Variants in MRAP2 observed in about 807,000 individuals in gnomAD.
MRAP2 encodes the protein melanocortin-2 receptor accessory protein 2.
MRAP2 carries 20 observed loss-of-function variants against 17.4 expected under a neutral mutation model. The ratio of observed to expected loss-of-function variants is 1.15; its 90% CI spans 0.81 to 1.67. The LOEUF (loss-of-function observed/expected upper bound fraction) is 1.67, where lower values mean the gene tolerates loss of function less well. MRAP2 is among the 40% of genes most tolerant of loss of function. The pLI, the probability that MRAP2 is intolerant of heterozygous loss-of-function variation, is 0.00. For synonymous variants in MRAP2, 96 were observed against 88.4 expected (o/e 1.09, Z -0.48); for missense variants, 238 against 240.0 (o/e 0.99, Z 0.05).
At chr6:84,047,591 C>G (rs1452227141) in intron 1 of MRAP2, among the ~76,000 whole-genome samples, 2 of 152,124 alleles carry the variant, frequency 1.3e-5, no homozygotes, top group Admixed American at 1.3e-4. Flanking sequence ...AGTTCAGTGG[C>G]ATTAAATATA....
At chr6:84,084,171 A>T (rs2099499703) in intron 3 of MRAP2, among the ~76,000 whole-genome samples, 1 of 152,214 alleles carries the variant, frequency 6.6e-6, no homozygotes. Flanking sequence ...AAATTGTATA[A>T]GAAAAATAAA....
At chr6:84,069,518 C>A (rs957722143) in intron 3 of MRAP2, among the ~76,000 whole-genome samples, 4 of 152,082 alleles carry the variant, frequency 2.6e-5, no homozygotes, top group African/African-American at 9.7e-5. Context: ...AGGATTTTAG[C>A]ATCTATGTTC....
At chr6:84,125,131 T>G in the MRAP2 span, 1 of 1,613,600 alleles carries the variant, frequency 6.2e-7, no homozygotes. Flanking sequence ...TCCTTGCCGG[T>G]GCAGCTCTCG....
chr6:84,140,483 G>A, the MRAP2 span, among the ~76,000 whole-genome samples: 1 of 152,094 alleles, frequency 6.6e-6, no homozygotes, highest in Non-Finnish European at 1.5e-5. Context: ...CTTTTTTGAG[G>A]AAGCCTCCGG....
chr6:84,108,723 G>A, the MRAP2 span, among the ~76,000 whole-genome samples: 1 of 152,202 alleles, frequency 6.6e-6, no homozygotes, highest in Non-Finnish European at 1.5e-5. Flanking sequence ...AAGTGCTATT[G>A]GCATCTTTGT....
chr6:84,111,586 AC>A, the MRAP2 span, among the ~76,000 whole-genome samples: 4 of 152,154 alleles, frequency 2.6e-5, no homozygotes, highest in Non-Finnish European at 5.9e-5. Flanking sequence ...CTATTTGAAT[AC>A]CGTTTATTTC....
At chr6:84,036,436 G>A (rs1037519982) in intron 1 of MRAP2, among the ~76,000 whole-genome samples, 2 of 152,060 alleles carry the variant, frequency 1.3e-5, no homozygotes, top group Non-Finnish European at 2.9e-5. Flanking sequence ...TGCGGTGAGT[G>A]TTAACAGTTC....
chr6:84,092,750 A>G (rs2099501979), downstream of MRAP2, among the ~76,000 whole-genome samples: 1 of 152,172 alleles, frequency 6.6e-6, no homozygotes, highest in Non-Finnish European at 1.5e-5. Flanking sequence ...AGCTCTCCGT[A>G]TAGGTGGGTT....
At chr6:84,066,705 C>T (rs2099494795) in intron 3 of MRAP2, among the ~76,000 whole-genome samples, 1 of 152,042 alleles carries the variant, frequency 6.6e-6, no homozygotes, top group Non-Finnish European at 1.5e-5. Flanking sequence ...AGATAAGAAA[C>T]ATGAGGCTGA....
rs1205670246 is a variant in MRAP2 at position 84,034,515 on chromosome 6, C to CGCCCCGT, written c.-8+643_-8+649dup. On this transcript the variant is annotated intron_variant, in intron 1 of 3. Coordinates refer to ENST00000257776, the MANE Select transcript of MRAP2 (RefSeq NM_138409.4). ...GCCCCCGCTCCCCCCGCCCGCCCCG[C>CGCCCCGT]GCCCCGTGCCCCGTGCCTTTCCCAT... 6.1e-3 allele frequency among the ~76,000 whole-genome samples: 904 copies of CGCCCCGT among 146,996 alleles called. 20 individuals carry two copies. The highest frequency in any genetic ancestry group is 0.02 in the African/African-American group (782 of 39,256).
At chr6:84,131,542 C>A in the MRAP2 span, among the ~76,000 whole-genome samples, 3 of 152,148 alleles carry the variant, frequency 2.0e-5, no homozygotes, top group African/African-American at 7.2e-5. Flanking sequence ...GCATTGGGTG[C>A]ATATATATTT....
At chr6:84,093,725 G>A (rs1180405036), downstream of MRAP2, among the ~76,000 whole-genome samples, 3 of 152,162 alleles carry the variant, frequency 2.0e-5, no homozygotes, top group Non-Finnish European at 4.4e-5. Context: ...TACATCACAT[G>A]TCACAATACA....
chr6:84,072,397 G>A (rs1020019061), intron 3 of MRAP2, among the ~76,000 whole-genome samples: 3 of 152,208 alleles, frequency 2.0e-5, no homozygotes, highest in Non-Finnish European at 4.4e-5. Context: ...GGTACTGGGG[G>A]TTGTCTGCAC....
chr6:84,084,534 G>A (rs780000124), intron 3 of MRAP2, among the ~76,000 whole-genome samples: 2 of 152,200 alleles, frequency 1.3e-5, no homozygotes, highest in Non-Finnish European at 2.9e-5. Context: ...TGGTTTTCAT[G>A]AACCTGTTGT....
the MRAP2 span, among the ~76,000 whole-genome samples, chr6:84,102,581 C>A: frequency 6.6e-6 from 1 of 152,180 alleles, no homozygotes; most frequent in Non-Finnish European, 1.5e-5. Flanking sequence ...TTTAGCCCAA[C>A]AAGAACTGTG....
chr6:84,084,996 C>A (rs147615467), intron 3 of MRAP2, among the ~76,000 whole-genome samples: 1 of 146,098 alleles, frequency 6.8e-6, no homozygotes, highest in Non-Finnish European at 1.5e-5. Flanking sequence ...TGTGCACAAC[C>A]TGCAGGTTTG....
At chr6:84,125,803 G>A in the MRAP2 span, among the ~76,000 whole-genome samples, 4 of 152,212 alleles carry the variant, frequency 2.6e-5, no homozygotes, top group Admixed American at 1.3e-4. Flanking sequence ...ACAGAACTGT[G>A]AGAAGATAAA....
intron 1 of MRAP2, among the ~76,000 whole-genome samples, chr6:84,048,904 C>T (rs2099489708): frequency 6.6e-6 from 1 of 152,200 alleles, no homozygotes; most frequent in Non-Finnish European, 1.5e-5. Flanking sequence ...AGGGCTTTCT[C>T]ATCTCTGGAA....
intron 1 of MRAP2, among the ~76,000 whole-genome samples, chr6:84,054,958 G>T (rs1384599808): frequency 6.6e-6 from 1 of 152,110 alleles, no homozygotes; most frequent in Non-Finnish European, 1.5e-5. Context: ...AGGTATAGGT[G>T]CTGAGGCTGA....
Sources: gnomAD v4.1 joint callset for allele counts (sites outside exome capture counted in the v4.1 genomes callset) on GRCh38, gnomAD v4.1.1 for gene constraint, MANE v1.5 for transcripts, NCBI Gene and HGNC (gene_info 2026-07-23, HGNC 2026-07-21) for gene names.